EYS: variants seen among roughly 807,000 people sequenced by gnomAD.
The protein encoded by EYS is EGF-like photoreceptor maintenance factor, also known as protein eyes shut homolog.
In EYS, 250 loss-of-function variants were observed where a neutral mutation model predicts 282.1. The ratio of observed to expected loss-of-function variants is 0.89; its 90% CI spans 0.80 to 0.98. EYS has a LOEUF of 0.98. EYS is among the 50% of genes least tolerant of loss of function. EYS has a pLI of 0.00. For missense variants in EYS, 4,016 were observed against 3,709.0 expected, an observed-to-expected ratio of 1.08 and a Z score of -2.15; for synonymous variants, 1,355 against 1,282.9, an observed-to-expected ratio of 1.06 and a Z score of -1.20.
chr6:65,223,167 C>G (rs958106947), intron 12 of EYS, among the ~76,000 whole-genome samples: 1 of 151,918 alleles, frequency 6.6e-6, no homozygotes, highest in African/African-American at 2.4e-5. Flanking sequence ...AAGAAACTGC[C>G]GACCAGCCTG....
chr6:64,009,348 A>T (rs1380434519), intron 33 of EYS, among the ~76,000 whole-genome samples: 1 of 148,764 alleles, frequency 6.7e-6, no homozygotes, highest in Non-Finnish European at 1.5e-5. Flanking sequence ...CAGTGGCGTG[A>T]TCTCGGCTCA....
chr6:63,857,598 G>C (rs1398676910), intron 36 of EYS: 1 of 373,060 alleles, frequency 2.7e-6, no homozygotes, highest in Non-Finnish European at 5.5e-6. Context: ...CATGACCACC[G>C]TGTGATGGGG....
intron 9 of EYS, among the ~76,000 whole-genome samples, chr6:65,346,081 A>G (rs1297276945): frequency 6.6e-6 from 1 of 151,752 alleles, no homozygotes; most frequent in Non-Finnish European, 1.5e-5. Flanking sequence ...TCAGGAGTTA[A>G]AGAATCTCAG....
At position 65,405,383 on chromosome 6, in the gene EYS, C is replaced by T. The variant is rs1480319421; in HGVS notation, c.863-16G>A. ...CAGAATGGACCTTAAAAAAATCACACACAAGAAAAAAAAAGAAAAGGAAGG... is the reference window on the plus strand; with the variant it reads ...CAGAATGGACCTTAAAAAAATCACATACAAGAAAAAAAAAGAAAAGGAAGG... On this transcript the variant is annotated splice_polypyrimidine_tract_variant and intron_variant, in intron 5 of 42. Coordinates refer to ENST00000503581, the MANE Select transcript of EYS (RefSeq NM_001142800.2). 4 of 1,420,234 alleles carry T rather than the reference C, an allele frequency of 2.8e-6. No homozygotes were observed. Among genetic ancestry groups the T allele is most frequent in the South Asian group, 2.8e-5 (2 of 71,786 alleles). The allele number at this position is 1,420,234 out of a possible 1,614,324, so 88.0% of individuals were successfully genotyped here.
At chr6:65,462,830 G>C (rs943973785) in intron 5 of EYS, among the ~76,000 whole-genome samples, 1 of 151,970 alleles carries the variant, frequency 6.6e-6, no homozygotes, top group Non-Finnish European at 1.5e-5. Context: ...TGTTGTCAAT[G>C]TGTCAAATTT....
intron 26 of EYS, among the ~76,000 whole-genome samples, chr6:64,487,338 AAAAGAG>A (rs1014022367): frequency 2.0e-5 from 3 of 151,204 alleles, no homozygotes; most frequent in African/African-American, 7.3e-5. Flanking sequence ...AGAGAGAGCA[AAAAGAG>A]AAAGAAACAA....
intron 12 of EYS, among the ~76,000 whole-genome samples, chr6:65,161,501 A>C (rs1246997045): frequency 6.6e-6 from 1 of 151,074 alleles, no homozygotes; most frequent in Non-Finnish European, 1.5e-5. Context: ...CTATGTTTAT[A>C]GATTCACTTA....
intron 28 of EYS, among the ~76,000 whole-genome samples, chr6:64,415,422 G>A (rs1774028969): frequency 1.3e-5 from 2 of 152,092 alleles, no homozygotes; most frequent in Admixed American, 6.6e-5. Context: ...TAGCTTCCCA[G>A]TCATGGCATC....
intron 29 of EYS, among the ~76,000 whole-genome samples, chr6:64,360,234 A>G (rs1771958983): frequency 6.6e-6 from 1 of 151,766 alleles, no homozygotes; most frequent in African/African-American, 2.4e-5. Flanking sequence ...ACAGATCTTC[A>G]ATTTGTCTTT....
At chr6:65,488,353 C>A (rs1765891806) in intron 5 of EYS, among the ~76,000 whole-genome samples, 1 of 152,134 alleles carries the variant, frequency 6.6e-6, no homozygotes, top group Admixed American at 6.6e-5. Context: ...CAATGTGTCC[C>A]AGAGATTCTG....
chr6:65,430,441 A>C (rs1767841270), intron 5 of EYS, among the ~76,000 whole-genome samples: 1 of 152,136 alleles, frequency 6.6e-6, no homozygotes, highest in African/African-American at 2.4e-5. Context: ...GTCTCTGAGT[A>C]AACTTGAAAG....
intron 31 of EYS, among the ~76,000 whole-genome samples, chr6:64,143,991 C>T (rs1248889137): frequency 6.6e-6 from 1 of 152,126 alleles, no homozygotes; most frequent in Non-Finnish European, 1.5e-5. Context: ...TCTCATCTAA[C>T]ATCAAAAGCA....
At chr6:65,326,461 G>T (rs1448305893) in intron 11 of EYS, among the ~76,000 whole-genome samples, 1 of 151,224 alleles carries the variant, frequency 6.6e-6, no homozygotes, top group Non-Finnish European at 1.5e-5. Context: ...ATGAGTCAGT[G>T]TCTCCCTCAG....
At chr6:65,564,284 A>G (rs1340833505) in intron 2 of EYS, among the ~76,000 whole-genome samples, 2 of 152,196 alleles carry the variant, frequency 1.3e-5, no homozygotes, top group African/African-American at 2.4e-5. Flanking sequence ...ATTAAATTTC[A>G]TATGGAACCA....
In EYS at chr6:64,363,537, T is replaced by TA. The variant is rs569092469; in HGVS notation, c.6078+25152dup. Among the ~76,000 whole-genome samples, 285 of 151,484 alleles carry TA rather than the reference T, an allele frequency of 1.9e-3. 1 individual carries two copies. Among genetic ancestry groups the TA allele is most frequent in the African/African-American group, 6.6e-3 (273 of 41,294 alleles). ...GACATTAGTTTAATTTCTTTGTTTT[T>TA]AAATGGAAATAGTAACAGATTCTGC... On this transcript the variant is annotated intron_variant, in intron 29 of 42. Transcript: ENST00000503581.
chr6:64,631,173 T>G (rs1449398115), intron 22 of EYS: 1 of 152,188 alleles, frequency 6.6e-6, no homozygotes, highest in Non-Finnish European at 1.5e-5. Context: ...TGAAAGCAAC[T>G]GTTAAAAATG....
At chr6:64,454,267 A>C (rs1775477750) in intron 26 of EYS, among the ~76,000 whole-genome samples, 1 of 152,110 alleles carries the variant, frequency 6.6e-6, no homozygotes, top group Non-Finnish European at 1.5e-5. Context: ...AGCCAATCAA[A>C]CACAGAGTTA....
chr6:65,247,980 G>T (rs1418455193), intron 12 of EYS, among the ~76,000 whole-genome samples: 1 of 151,924 alleles, frequency 6.6e-6, no homozygotes, highest in African/African-American at 2.4e-5. Flanking sequence ...ATACATTAAA[G>T]ACCATACATT....
Position 63,789,129 on chromosome 6 carries a change from C to T in EYS, c.7507G>A (p.Glu2503Lys), listed in dbSNP as rs768964978. The change falls in exon 38 of 43, where the codon GAG (glutamate) becomes AAG (lysine). Residue 2503 changes from glutamate to lysine, a missense_variant. Physicochemically the swap from Glu to Lys is moderately conservative, Grantham distance 56. Transcript: ENST00000503581. ...ACTCCAAGGCTCAGATTGAGGGGCTCGCTCCTGATGCTTGCTATGCCAGAC... is the reference window on the plus strand; with the variant it reads ...ACTCCAAGGCTCAGATTGAGGGGCTTGCTCCTGATGCTTGCTATGCCAGAC... ...LGSGIASIRS[E>K]PLNLSLGVHT... 161 of 1,551,554 alleles carry T rather than the reference C, an allele frequency of 1.0e-4. 1 individual carries two copies. The highest frequency in any genetic ancestry group is 5.7e-4 in the Admixed American group (29 of 50,980).
Sources: gnomAD v4.1 joint callset for allele counts (sites outside exome capture counted in the v4.1 genomes callset) on GRCh38, gnomAD v4.1.1 for gene constraint, MANE v1.5 for transcripts, NCBI Gene and HGNC (gene_info 2026-07-23, HGNC 2026-07-21) for gene names.